Variants in SSX4B observed in about 807,000 individuals in gnomAD.
SSX4B encodes the protein SSX family member 4B.
SSX4B carries 1 observed loss-of-function variant against 1.6 expected under a neutral mutation model. The observed-to-expected ratio is 0.64, with a 90% confidence interval of 0.23 to 3.04. The LOEUF (loss-of-function observed/expected upper bound fraction) is 3.04. Among genes scored for constraint, SSX4B ranks in the 30% most tolerant of loss-of-function variants. The pLI, the probability that SSX4B is intolerant of heterozygous loss-of-function variation, is 0.21. For synonymous variants in SSX4B, 1 was observed against 4.9 expected (o/e 0.21, Z 1.04); for missense variants, 7 against 13.4 (o/e 0.52, Z 0.74).
intron 6 of SSX4B, 130 bp from the exon 7 acceptor site, chrX:48,403,686 TCC>T: frequency 0.035 from 10 of 287 alleles, no homozygotes; most frequent in Non-Finnish European, 0.045. Context: ...TTTTTCACAT[TCC>T]CTGGTTTAGA....
chrX:48,410,632 T>A, intron 3 of SSX4B, 118 bp downstream of exon 3: 1 of 47,890 alleles, frequency 2.1e-5, no homozygotes, highest in African/African-American at 3.2e-4. Flanking sequence ...TGCCTTGTGA[T>A]TTTTCCCTGC....
rs374512139 is a variant in SSX4B, at chrX:48,410,805, C to T, written c.129G>A (p.Ser43=). 88 of 362,882 alleles carry T rather than the reference C, an allele frequency of 2.4e-4. No homozygotes were observed. The African/African-American group carries it at 3.7e-3, about 15-fold the overall frequency. 29.9% of individuals were successfully genotyped at this position (362,882 alleles called of 1,213,427 possible). A position where few individuals can be genotyped will look rare whatever the true frequency, so the allele number is the denominator to read the frequency against. Residue 43 remains serine, a synonymous_variant, in exon 3 of 8, where the codon TCG becomes TCA. Transcript: ENST00000595235. ...SKKEWEKMKS[S]EKIVYVYMKL... is the part of the protein sequence containing the mutation. The stretch of plus-strand genomic sequence containing the variant: ...TCATATACACATAGACGATTTTCTC[C>T]GAGGATTTCATCTTTTCCCACTCTT...
chrX:48,402,167 GA>G lies in SSX4B; in HGVS notation c.*506del. On this transcript the variant is annotated 3_prime_UTR_variant, in exon 8 of 8. Transcript: ENST00000595235. ...GTACATGCTGAACAGGAAACAGAGT[GA>G]GGGGGGCTTGACCAGGTCGCATGGC... 1.7e-5 allele frequency: 1 copy of G among 57,722 alleles called. No homozygotes were observed. The highest frequency in any genetic ancestry group is 2.7e-5 in the Non-Finnish European group (1 of 37,720). The allele number at this position is 57,722 out of a possible 1,213,427, so 4.8% of individuals were successfully genotyped here.
rs370082689 is a variant in SSX4B at position 48,410,715 on chromosome X, C to A, written c.184+35G>T. The stretch of plus-strand genomic sequence containing the variant: ...AACAGGAAAAGGGATGCTCATGTGT[C>A]CCCAGACTTGTCTGCTTCTAGAACT... On this transcript the variant is annotated intron_variant, in intron 3 of 7. Transcript: ENST00000595235. 7.5e-5 allele frequency: 5 copies of A among 66,695 alleles called. No homozygotes were observed. In the African/African-American group the frequency reaches 9.0e-4, roughly 12 times the overall value. The allele number at this position is 66,695 out of a possible 1,213,427, so 5.5% of individuals were successfully genotyped here.
rs782709420 is a variant in SSX4B at position 48,410,795 on chromosome X, C to T, written c.139G>A (p.Val47Ile). Residue 47 changes from valine (V) to isoleucine (I), a missense_variant, in exon 3 of 8, where the codon GTC becomes ATC. By Grantham distance (29) the Val-to-Ile change is conservative. Coordinates refer to ENST00000595235, the MANE Select transcript of SSX4B (RefSeq NM_001034832.5). ...WEKMKSSEKI[V>I]YVYMKLNYEV... ...TAGTTTAGCTTCATATACACATAGA[C>T]GATTTTCTCCGAGGATTTCATCTTT... 16 of 334,977 alleles carry T rather than the reference C, an allele frequency of 4.8e-5. No homozygotes were observed. The highest frequency in any genetic ancestry group is 8.7e-5 in the East Asian group (1 of 11,511). 27.6% of individuals were successfully genotyped at this position (334,977 alleles called of 1,213,427 possible).
In SSX4B at chrX:48,402,594, T is replaced by TC. The variant is rs2061343535; in HGVS notation, c.*79dup. The TC allele has an allele frequency of 1.7e-4, 110 of 646,735 alleles. No individual in the cohort carries two copies. In the South Asian group the frequency reaches 2.3e-3, roughly 13 times the overall value. 53.3% of individuals were successfully genotyped at this position (646,735 alleles called of 1,213,427 possible). ...TTGCTATGCACCTGATGACGAGGGG[T>TC]CCGCAGCCATGCCCATGTTCGTGAA... On this transcript the variant is annotated 3_prime_UTR_variant, in exon 8 of 8. Coordinates refer to ENST00000595235, the MANE Select transcript of SSX4B (RefSeq NM_001034832.5).
chrX:48,403,108 TAA>T (rs2061345116), intron 7 of SSX4B, among the ~76,000 whole-genome samples: 1 of 30,615 alleles, frequency 3.3e-5, no homozygotes, highest in Non-Finnish European at 6.1e-5. Flanking sequence ...CCGTCTCTAC[TAA>T]AAATGCAAAA....
Position 48,410,798 on chromosome X carries a change from T to G in SSX4B, c.136A>C (p.Ile46Leu). 2.7e-6 allele frequency: 1 copy of G among 365,392 alleles called. No individual in the cohort carries two copies. The highest frequency in any genetic ancestry group is 4.0e-6 in the Non-Finnish European group (1 of 252,026). 30.1% of individuals were successfully genotyped at this position (365,392 alleles called of 1,213,427 possible). ...EWEKMKSSEK[I>L]VYVYMKLNYE... ...TTTAGCTTCATATACACATAGACGA[T>G]TTTCTCCGAGGATTTCATCTTTTCC... The change falls in exon 3 of 8, where the codon ATC becomes CTC. Residue 46 changes from isoleucine to leucine, a missense_variant. Transcript: ENST00000595235.
At position 48,410,865 on chromosome X, in the gene SSX4B, C is replaced by T; in HGVS notation, c.70-1G>A. The T allele has an allele frequency of 3.3e-6, 3 of 899,328 alleles. No individual in the cohort carries two copies. The highest frequency in any genetic ancestry group is 4.2e-6 in the Non-Finnish European group (3 of 708,502). The allele number at this position is 899,328 out of a possible 1,213,427, so 74.1% of individuals were successfully genotyped here. On this transcript the variant is annotated splice_acceptor_variant, in intron 2 of 7. Transcript: ENST00000595235. LOFTEE classifies it high-confidence loss of function. ...AGTATTTGGCAATATCATCGAAGGC[C>T]TGGAAAAAAAAAAAAAAAGGAATTA...
chrX:48,402,234 G>GGT lies in SSX4B; in HGVS notation c.*438_*439dup. Reference sequence around the variant, plus strand: ...ATGGGAGATGCTTATACTGGTACTTGGTGTGTGTGTGTGCGTGTGTGGTGT... The same window carrying GGT: ...ATGGGAGATGCTTATACTGGTACTTGGTGTGTGTGTGTGTGCGTGTGTGGTGT... On this transcript the variant is annotated 3_prime_UTR_variant, in exon 8 of 8. Transcript: ENST00000595235. The GGT allele has an allele frequency of 3.8e-4, 38 of 99,211 alleles. No homozygotes were observed. Among genetic ancestry groups the GGT allele is most frequent in the Non-Finnish European group, 4.0e-4 (25 of 62,236 alleles). 8.2% of individuals were successfully genotyped at this position (99,211 alleles called of 1,213,427 possible).
chrX:48,402,234 GGT>G lies in SSX4B; in HGVS notation c.*438_*439del. 5.6e-4 allele frequency: 55 copies of G among 98,730 alleles called. No individual in the cohort carries two copies. The highest frequency in any genetic ancestry group is 8.3e-4 in the East Asian group (3 of 3,633). 8.1% of individuals were successfully genotyped at this position (98,730 alleles called of 1,213,427 possible). A position where few individuals can be genotyped will look rare whatever the true frequency, so the allele number is the denominator to read the frequency against. ...ATGGGAGATGCTTATACTGGTACTTGGTGTGTGTGTGTGCGTGTGTGGTGTGT... is the reference window on the plus strand; with the variant it reads ...ATGGGAGATGCTTATACTGGTACTTGGTGTGTGTGTGCGTGTGTGGTGTGT... On this transcript the variant is annotated 3_prime_UTR_variant, in exon 8 of 8. Transcript: ENST00000595235.
intron 6 of SSX4B, 147 bp from the exon 7 acceptor site, chrX:48,403,703 CTGA>C: frequency 0.12 from 7 of 57 alleles, no homozygotes; most frequent in Non-Finnish European, 0.14. Flanking sequence ...TTTAGAGAGG[CTGA>C]GACCTTAGAT....
At chrX:48,411,209 C>T in intron 2 of SSX4B, 95 bp downstream of exon 2, 1 of 1,189 alleles carries the variant, frequency 8.4e-4, no homozygotes, top group African/African-American at 1.9e-3. Context: ...GACCCTGCTC[C>T]TTGTCCCTAG....
Position 48,402,688 on chromosome X carries a change from A to C in SSX4B, c.*5-19T>G. ...CCCGAGGCTGAGGCAAGAAGAGAGA[A>C]GGAAAGTAAGTGGCAGTGAGTTCCC... On this transcript the variant is annotated intron_variant, in intron 7 of 7. Coordinates refer to ENST00000595235, the MANE Select transcript of SSX4B (RefSeq NM_001034832.5). 1 of 893,598 alleles carries C rather than the reference A, an allele frequency of 1.1e-6. No homozygotes were observed. 73.6% of individuals were successfully genotyped at this position (893,598 alleles called of 1,213,427 possible). A position where few individuals can be genotyped will look rare whatever the true frequency, so the allele number is the denominator to read the frequency against.
chrX:48,410,636 T>C, intron 3 of SSX4B, 114 bp downstream of exon 3: 1 of 50,543 alleles, frequency 2.0e-5, no homozygotes, highest in African/African-American at 3.1e-4. Flanking sequence ...TTGTGATTTT[T>C]CCCTGCACAA....
At position 48,410,806 on chromosome X, in the gene SSX4B, G is replaced by A. The variant is rs377690870; in HGVS notation, c.128C>T (p.Ser43Leu). 233 of 363,148 alleles carry A rather than the reference G, an allele frequency of 6.4e-4. No homozygotes were observed. Among genetic ancestry groups the A allele is most frequent in the Non-Finnish European group, 9.0e-4 (223 of 249,141 alleles). 29.9% of individuals were successfully genotyped at this position (363,148 alleles called of 1,213,427 possible). Reference protein sequence around the residue: ...SKKEWEKMKSSEKIVYVYMKL... With the variant: ...SKKEWEKMKSLEKIVYVYMKL... ...CATATACACATAGACGATTTTCTCC[G>A]AGGATTTCATCTTTTCCCACTCTTT... Residue 43 changes from serine to leucine, a missense_variant, in exon 3 of 8, where the codon TCG (serine) becomes TTG (leucine). Coordinates refer to ENST00000595235, the MANE Select transcript of SSX4B (RefSeq NM_001034832.5).
chrX:48,403,700 A>AC, intron 6 of SSX4B, 144 bp from the exon 7 acceptor site: 6 of 218 alleles, frequency 0.028, no homozygotes, highest in Non-Finnish European at 0.037. Context: ...TGGTTTAGAG[A>AC]GGCTGAGACC....
chrX:48,402,510 CTT>C lies in SSX4B; in HGVS notation c.*162_*163del. The C allele has an allele frequency of 2.2e-6, 1 of 446,472 alleles. No individual in the cohort carries two copies. Among genetic ancestry groups the C allele is most frequent in the Non-Finnish European group, 3.9e-6 (1 of 257,295 alleles). The allele number at this position is 446,472 out of a possible 1,213,427, so 36.8% of individuals were successfully genotyped here. On this transcript the variant is annotated 3_prime_UTR_variant, in exon 8 of 8. Transcript: ENST00000595235. ...ACAGCGGAAACGCCAACATCGAACT[CTT>C]GGCACACTAAGAAAAATGACGCTCA...
rs781836939 is a variant in SSX4B, at chrX:48,410,718, C to T, written c.184+32G>A. 5.8e-5 allele frequency: 4 copies of T among 68,503 alleles called. No individual in the cohort carries two copies. In the Admixed American group the frequency reaches 7.8e-4, roughly 13 times the overall value. 5.6% of individuals were successfully genotyped at this position (68,503 alleles called of 1,213,427 possible). Reference sequence around the variant, plus strand: ...AGGAAAAGGGATGCTCATGTGTCCCCAGACTTGTCTGCTTCTAGAACTTTC... The same window carrying T: ...AGGAAAAGGGATGCTCATGTGTCCCTAGACTTGTCTGCTTCTAGAACTTTC... On this transcript the variant is annotated intron_variant, in intron 3 of 7. Coordinates refer to ENST00000595235, the MANE Select transcript of SSX4B (RefSeq NM_001034832.5).
Sources: gnomAD v4.1 joint callset for allele counts (sites outside exome capture counted in the v4.1 genomes callset) on GRCh38, gnomAD v4.1.1 for gene constraint, MANE v1.5 for transcripts, NCBI Gene and HGNC (gene_info 2026-07-23, HGNC 2026-07-21) for gene names.